The following SOCS5 variants were observed in gnomAD, a reference collection of about 807,000 sequenced individuals.
The protein encoded by SOCS5 is CIS-6.
SOCS5 carries 32 observed loss-of-function variants against 42.8 expected under a neutral mutation model. The ratio of observed to expected loss-of-function variants is 0.75; its 90% CI spans 0.56 to 1.01. The LOEUF is 1.01. SOCS5 is among the 50% of genes least tolerant of loss of function. SOCS5 has a pLI of 0.00. For missense variants in SOCS5, 627 were observed against 653.0 expected (o/e 0.96, Z 0.43); for synonymous variants, 283 against 229.6 (o/e 1.23, Z -2.10).
chr2:46,720,460 T>C (rs1672853910), intron 1 of SOCS5, among the ~76,000 whole-genome samples: 1 of 152,198 alleles, frequency 6.6e-6, no homozygotes, highest in South Asian at 2.1e-4. Context: ...TTTTACTACT[T>C]TGTGTCTATG....
In SOCS5 at chr2:46,717,455, C is replaced by G. The variant is rs184396614; in HGVS notation, c.-13+18006C>G. On this transcript the variant is annotated intron_variant, in intron 1 of 1. Transcript: ENST00000394861. ...TCTAGACTTTGCTTCTGGCTCATGA[C>G]TAGAATTCAGAAGTCTTCTGCCTTC... Among the ~76,000 whole-genome samples the G allele has an allele frequency of 1.6e-4, 24 of 152,258 alleles. 1 individual carries two copies. The highest frequency in any genetic ancestry group is 5.1e-4 in the African/African-American group (21 of 41,548).
At chr2:46,712,430 G>A (rs960841423) in intron 1 of SOCS5, among the ~76,000 whole-genome samples, 4 of 125,772 alleles carry the variant, frequency 3.2e-5, no homozygotes, top group East Asian at 2.7e-4. Flanking sequence ...TGCAACCCCC[G>A]CCTCCTGGGT....
At chr2:46,727,369 A>G (rs1057451219) in intron 1 of SOCS5, among the ~76,000 whole-genome samples, 1 of 152,096 alleles carries the variant, frequency 6.6e-6, no homozygotes, top group Non-Finnish European at 1.5e-5. Context: ...TTATTGTCCC[A>G]TGCAAGTTGA....
chr2:46,728,115 T>G (rs995917113), intron 1 of SOCS5, among the ~76,000 whole-genome samples: 6 of 152,200 alleles, frequency 3.9e-5, no homozygotes, highest in African/African-American at 1.4e-4. Flanking sequence ...CCTGGATCTC[T>G]GCATTGATTT....
At chr2:46,729,356 G>T (rs751455539) in intron 1 of SOCS5, among the ~76,000 whole-genome samples, 23 of 152,072 alleles carry the variant, frequency 1.5e-4, no homozygotes, top group Non-Finnish European at 2.6e-4. Context: ...TTAACAACAG[G>T]GATACGTTCT....
At chr2:46,734,268 T>TA (rs1407648237) in intron 1 of SOCS5, among the ~76,000 whole-genome samples, 3 of 152,190 alleles carry the variant, frequency 2.0e-5, no homozygotes, top group African/African-American at 7.2e-5. Context: ...CTTGTATGAA[T>TA]AAAAATTAAA....
At chr2:46,707,123 G>C (rs1672514662) in intron 1 of SOCS5, among the ~76,000 whole-genome samples, 1 of 152,154 alleles carries the variant, frequency 6.6e-6, no homozygotes, top group African/African-American at 2.4e-5. Context: ...AAGTGGGGAA[G>C]GGAGGTGTTA....
At chr2:46,749,554 A>G (rs1409499781) in intron 1 of SOCS5, among the ~76,000 whole-genome samples, 13 of 152,184 alleles carry the variant, frequency 8.5e-5, no homozygotes, top group Admixed American at 7.9e-4. Context: ...TATTTTCCCC[A>G]TAAGAAAATG....
chr2:46,759,664 G>A lies in SOCS5; in HGVS notation c.1134G>A (p.Gly378=), dbSNP rs754505548. Residue 378 remains glycine (G), a synonymous_variant, in exon 2 of 2, where the codon GGG becomes GGA. Transcript: ENST00000394861. Reference sequence around the variant, plus strand: ...TGCCTGATTTGCTTCAAATTACAGGGAATCCCTGTTACTGGGGAGTGATGG... The same window carrying A: ...TGCCTGATTTGCTTCAAATTACAGGAAATCCCTGTTACTGGGGAGTGATGG... ...CLVPDLLQIT[G]NPCYWGVMDR... The A allele has an allele frequency of 2.4e-5, 39 of 1,614,064 alleles. No individual in the cohort carries two copies. Among genetic ancestry groups the A allele is most frequent in the Non-Finnish European group, 3.2e-5 (38 of 1,179,990 alleles).
At chr2:46,753,993 T>C (rs1198658054) in intron 1 of SOCS5, among the ~76,000 whole-genome samples, 3 of 152,302 alleles carry the variant, frequency 2.0e-5, no homozygotes, top group Admixed American at 6.5e-5. Context: ...CTGTGTTTTA[T>C]CAAGGGTCTT....
At chr2:46,726,988 T>G (rs1465088706) in intron 1 of SOCS5, among the ~76,000 whole-genome samples, 1 of 151,918 alleles carries the variant, frequency 6.6e-6, no homozygotes, top group Non-Finnish European at 1.5e-5. Flanking sequence ...ACTCCCGATC[T>G]CAGGTGATCC....
chr2:46,758,808 G>A lies in SOCS5; in HGVS notation c.278G>A (p.Ser93Asn). The A allele has an allele frequency of 1.2e-6, 2 of 1,614,166 alleles. No homozygotes were observed. The highest frequency in any genetic ancestry group is 1.7e-6 in the Non-Finnish European group (2 of 1,180,004). Residue 93 changes from serine to asparagine, a missense_variant, in exon 2 of 2, where the codon AGC becomes AAC. Transcript: ENST00000394861. ...ATEIPQIVEI[S>N]IEKDNDSCVT... ...GAAATCCCTCAAATTGTTGAAATAA[G>A]CATCGAAAAGGATAATGATTCTTGT...
At chr2:46,751,652 T>C (rs548892248) in intron 1 of SOCS5, among the ~76,000 whole-genome samples, 3 of 152,318 alleles carry the variant, frequency 2.0e-5, no homozygotes, top group African/African-American at 7.2e-5. Context: ...TTTTCTATTT[T>C]ATAACTTCAT....
At chr2:46,718,784 G>T (rs1288429524) in intron 1 of SOCS5, among the ~76,000 whole-genome samples, 1 of 152,130 alleles carries the variant, frequency 6.6e-6, no homozygotes, top group African/African-American at 2.4e-5. Flanking sequence ...ATCAATAATT[G>T]TGTGCTCCAA....
At chr2:46,706,242 A>G (rs1672460476) in intron 1 of SOCS5, among the ~76,000 whole-genome samples, 1 of 152,244 alleles carries the variant, frequency 6.6e-6, no homozygotes, top group Non-Finnish European at 1.5e-5. Context: ...TAGAAGAGCA[A>G]GTTTGACACG....
chr2:46,717,355 T>G (rs773175674), intron 1 of SOCS5, among the ~76,000 whole-genome samples: 27 of 152,168 alleles, frequency 1.8e-4, no homozygotes, highest in Non-Finnish European at 2.8e-4. Context: ...GTTTTCATAT[T>G]GCCTCTTATC....
At chr2:46,701,450 T>A (rs1030709194) in intron 1 of SOCS5, among the ~76,000 whole-genome samples, 2 of 152,226 alleles carry the variant, frequency 1.3e-5, no homozygotes, top group African/African-American at 2.4e-5. Context: ...CCCAGAGCAG[T>A]TGAAGGGATT....
intron 1 of SOCS5, among the ~76,000 whole-genome samples, chr2:46,747,471 C>A (rs1316946912): frequency 6.6e-6 from 1 of 152,188 alleles, no homozygotes; most frequent in East Asian, 1.9e-4. Flanking sequence ...CTGCCTTGGC[C>A]TCCCAAAGTG....
intron 1 of SOCS5, among the ~76,000 whole-genome samples, chr2:46,752,930 A>G (rs1673655554): frequency 6.6e-6 from 1 of 152,170 alleles, no homozygotes; most frequent in Admixed American, 6.5e-5. Context: ...CTTCAATCCT[A>G]TAGATTTGAC....
Sources: gnomAD v4.1 joint callset for allele counts (sites outside exome capture counted in the v4.1 genomes callset) on GRCh38, gnomAD v4.1.1 for gene constraint, MANE v1.5 for transcripts, NCBI Gene and HGNC (gene_info 2026-07-23, HGNC 2026-07-21) for gene names.